PTPRM: variants seen among roughly 807,000 people sequenced by gnomAD.
The protein encoded by PTPRM is receptor-type tyrosine-protein phosphatase mu.
PTPRM carries 47 observed loss-of-function variants against 186.7 expected under a neutral mutation model. The observed-to-expected ratio is 0.25, with a 90% CI of 0.20 to 0.32. The LOEUF (loss-of-function observed/expected upper bound fraction) is 0.32. Among genes scored for constraint, PTPRM ranks in the 10% least tolerant of loss-of-function variants. PTPRM has a pLI of 1.00. For missense variants in PTPRM, 1,494 were observed against 1,865.0 expected, an observed-to-expected ratio of 0.80 and a Z score of 3.66; for synonymous variants, 668 against 674.9, an observed-to-expected ratio of 0.99 and a Z score of 0.16.
intron 1 of PTPRM, among the ~76,000 whole-genome samples, chr18:7,677,838 T>C (rs530954144): frequency 9.9e-4 from 151 of 152,268 alleles, no homozygotes; most frequent in Non-Finnish European, 1.6e-3. Context: ...CCTTGTCCTG[T>C]TGCCTATGTC....
intron 2 of PTPRM, among the ~76,000 whole-genome samples, chr18:7,803,034 G>T (rs920409368): frequency 6.6e-6 from 1 of 152,158 alleles, no homozygotes; most frequent in African/African-American, 2.4e-5. Flanking sequence ...TCAGAAAGGG[G>T]GTAGTATCCA....
intron 7 of PTPRM, among the ~76,000 whole-genome samples, chr18:8,067,651 G>T (rs146658439): frequency 6.6e-6 from 1 of 152,142 alleles, no homozygotes; most frequent in Admixed American, 6.5e-5. Context: ...GGTAAAAAGG[G>T]GGGATTTTAA....
At position 7,613,929 on chromosome 18, in the gene PTPRM, G is replaced by A. The variant is rs183451364; in HGVS notation, c.73+46038G>A. Among the ~76,000 whole-genome samples the A allele has an allele frequency of 2.0e-5, 3 of 152,214 alleles. No individual in the cohort carries two copies. In the East Asian group the frequency reaches 5.8e-4, roughly 29 times the overall value. On this transcript the variant is annotated intron_variant, in intron 1 of 32. Coordinates refer to ENST00000580170, the MANE Select transcript of PTPRM (RefSeq NM_001105244.2). Reference sequence around the variant, plus strand: ...ATGGAAATCTGAATTTTCCTTATAAGGCTTAACATTTATAGTCTTACTGGG... The same window carrying A: ...ATGGAAATCTGAATTTTCCTTATAAAGCTTAACATTTATAGTCTTACTGGG...
chr18:7,903,535 A>G (rs2049812372), intron 3 of PTPRM, among the ~76,000 whole-genome samples: 1 of 151,858 alleles, frequency 6.6e-6, no homozygotes, highest in African/African-American at 2.4e-5. Context: ...TTCCTTTTGT[A>G]CTCTCAGTTG....
intron 13 of PTPRM, among the ~76,000 whole-genome samples, chr18:8,128,379 A>G (rs1258164308): frequency 1.3e-5 from 2 of 152,216 alleles, no homozygotes; most frequent in African/African-American, 4.8e-5. Flanking sequence ...AAGTTAATAT[A>G]GAGGGTTGGT....
intron 7 of PTPRM, among the ~76,000 whole-genome samples, chr18:7,992,249 T>C (rs1428358329): frequency 6.6e-6 from 1 of 151,560 alleles, no homozygotes; most frequent in East Asian, 1.9e-4. Flanking sequence ...AAAAGTGTAA[T>C]TTTTTTTTGA....
At chr18:7,797,699 G>C (rs1041735983) in intron 2 of PTPRM, among the ~76,000 whole-genome samples, 1 of 151,834 alleles carries the variant, frequency 6.6e-6, no homozygotes, top group East Asian at 1.9e-4. Flanking sequence ...AATGTGCTGT[G>C]ATGACAGCAG....
At chr18:8,391,778 C>G (rs2095814437) in intron 31 of PTPRM, among the ~76,000 whole-genome samples, 1 of 152,210 alleles carries the variant, frequency 6.6e-6, no homozygotes. Flanking sequence ...ATGGGCTGAT[C>G]AAGCTGATAT....
At chr18:8,367,994 G>A (rs972619121) in intron 23 of PTPRM, among the ~76,000 whole-genome samples, 2 of 152,082 alleles carry the variant, frequency 1.3e-5, no homozygotes, top group Admixed American at 1.3e-4. Context: ...CATACGTTGC[G>A]GGTGTGTGTG....
At chr18:7,805,616 C>T (rs1568155778) in intron 2 of PTPRM, among the ~76,000 whole-genome samples, 1 of 152,164 alleles carries the variant, frequency 6.6e-6, no homozygotes, top group African/African-American at 2.4e-5. Context: ...TTACTCAATA[C>T]TTACTTGTTC....
intron 23 of PTPRM, among the ~76,000 whole-genome samples, chr18:8,344,288 G>A (rs2095491420): frequency 6.6e-6 from 1 of 151,848 alleles, no homozygotes; most frequent in Non-Finnish European, 1.5e-5. Flanking sequence ...AGCCATAAAG[G>A]GTTTGTCTCT....
chr18:8,301,222 A>C (rs2095153884), intron 20 of PTPRM, among the ~76,000 whole-genome samples: 1 of 152,234 alleles, frequency 6.6e-6, no homozygotes, highest in Admixed American at 6.5e-5. Context: ...CATATAAAAT[A>C]GTTTTAATGG....
At chr18:7,772,349 C>CTCTTTCTTTCTTTCTTTCTCTT (rs2042325051) in intron 1 of PTPRM, among the ~76,000 whole-genome samples, 4 of 96,032 alleles carry the variant, frequency 4.2e-5, no homozygotes, top group African/African-American at 1.4e-4. Context: ...TTCTTTCTTT[C>CTCTTTCTTTCTTTCTTTCTCTT]TCTTTCTTTC....
intron 1 of PTPRM, among the ~76,000 whole-genome samples, chr18:7,672,734 A>G (rs962790838): frequency 6.6e-6 from 1 of 152,212 alleles, no homozygotes; most frequent in African/African-American, 2.4e-5. Flanking sequence ...TGTGCAACTT[A>G]GTTGTGCACC....
chr18:7,962,299 A>G (rs981080574), intron 7 of PTPRM, among the ~76,000 whole-genome samples: 1 of 152,220 alleles, frequency 6.6e-6, no homozygotes, highest in Non-Finnish European at 1.5e-5. Context: ...ATATATACAT[A>G]TGGAGGATAA....
intron 1 of PTPRM, among the ~76,000 whole-genome samples, chr18:7,575,000 C>T (rs984388486): frequency 3.3e-5 from 5 of 152,154 alleles, no homozygotes; most frequent in African/African-American, 7.2e-5. Context: ...CCACTGCACT[C>T]CAGTCTGGGC....
At chr18:8,223,114 C>T (rs1244012545) in intron 14 of PTPRM, among the ~76,000 whole-genome samples, 2 of 152,084 alleles carry the variant, frequency 1.3e-5, no homozygotes, top group African/African-American at 2.4e-5. Context: ...GTCTCAGCTA[C>T]TCGAGAGGCT....
intron 19 of PTPRM, among the ~76,000 whole-genome samples, chr18:8,266,889 C>T (rs958473144): frequency 6.6e-6 from 1 of 152,004 alleles, no homozygotes; most frequent in African/African-American, 2.4e-5. Context: ...GCCTGGGCAA[C>T]AGAGTGAAAC....
At chr18:7,627,608 AT>A (rs1240587500) in intron 1 of PTPRM, among the ~76,000 whole-genome samples, 1 of 152,176 alleles carries the variant, frequency 6.6e-6, no homozygotes, top group Non-Finnish European at 1.5e-5. Flanking sequence ...TCTAGGAAGT[AT>A]TTAGGAAGTA....
Sources: gnomAD v4.1 joint callset for allele counts (sites outside exome capture counted in the v4.1 genomes callset) on GRCh38, gnomAD v4.1.1 for gene constraint, MANE v1.5 for transcripts, NCBI Gene and HGNC (gene_info 2026-07-23, HGNC 2026-07-21) for gene names.